CDC42EP3: variants seen among roughly 807,000 people sequenced by gnomAD.
The protein encoded by CDC42EP3 is CDC42 effector protein (Rho GTPase binding) 3.
Under a neutral mutation model 15.5 loss-of-function variants are expected in CDC42EP3, and 4 were observed. The ratio of observed to expected loss-of-function variants is 0.26; its 90% confidence interval spans 0.13 to 0.59. CDC42EP3 has a LOEUF of 0.59. Among genes scored for constraint, CDC42EP3 ranks in the 20% least tolerant of loss-of-function variants. The pLI is 0.89. For synonymous variants in CDC42EP3, 145 were observed against 130.3 expected (o/e 1.11, Z -0.77); for missense variants, 309 against 311.2 (o/e 0.99, Z 0.05).
chr2:37,642,394 C>T lies in CDC42EP3; in HGVS notation c.*3429G>A, dbSNP rs986049406. ...TATCATTTGGCATCTGGAAACTTCT[C>T]TTATTTTGCTGGATATGGCTGTCTA... On this transcript the variant is annotated 3_prime_UTR_variant, in exon 2 of 2. Transcript: ENST00000295324. The T allele has an allele frequency of 6.6e-6, 1 of 152,216 alleles. No individual in the cohort carries two copies. Among genetic ancestry groups the T allele is most frequent in the African/African-American group, 2.4e-5 (1 of 41,450 alleles). 9.4% of individuals were successfully genotyped at this position (152,216 alleles called of 1,614,324 possible).
upstream of CDC42EP3, chr2:37,671,692 G>T (rs1317161528): frequency 6.6e-6 from 1 of 151,308 alleles, no homozygotes; most frequent in African/African-American, 2.4e-5. Context: ...GGGCGGGGCG[G>T]CGCGGGGCGG....
chr2:37,648,962 G>A (rs1665573013), intron 1 of CDC42EP3, among the ~76,000 whole-genome samples: 1 of 152,066 alleles, frequency 6.6e-6, no homozygotes, highest in African/African-American at 2.4e-5. Flanking sequence ...CAGCTGCCAT[G>A]GAAAGATACA....
intron 1 of CDC42EP3, among the ~76,000 whole-genome samples, chr2:37,659,855 A>C (rs1340250187): frequency 6.6e-6 from 1 of 152,186 alleles, no homozygotes; most frequent in Non-Finnish European, 1.5e-5. Flanking sequence ...AAATAAACCT[A>C]TCAAAACATT....
At chr2:37,663,071 A>G (rs913291932) in intron 1 of CDC42EP3, among the ~76,000 whole-genome samples, 1 of 152,372 alleles carries the variant, frequency 6.6e-6, no homozygotes, top group Admixed American at 6.5e-5. Flanking sequence ...AGGCTGAGGC[A>G]GGAGAATCTC....
intron 1 of CDC42EP3, among the ~76,000 whole-genome samples, chr2:37,655,534 A>AT (rs1342692593): frequency 1.3e-5 from 2 of 152,186 alleles, no homozygotes; most frequent in Non-Finnish European, 2.9e-5. Context: ...GGAAGACTCA[A>AT]TGTGGACATA....
At chr2:37,651,556 T>C (rs151043072) in intron 1 of CDC42EP3, among the ~76,000 whole-genome samples, 191 of 152,370 alleles carry the variant, frequency 1.3e-3, no homozygotes, top group African/African-American at 4.4e-3. Context: ...ACCCTGGCTA[T>C]GGGACAGATC....
rs1231867185 is a variant in CDC42EP3, at chr2:37,643,543, T to TTCTC, written c.*2276_*2279dup. ...ATCAAACCCAGTACTGGCAGGGCTG[T>TTCTC]TCTCTCCCCAGTACTTACCAGAGAG... On this transcript the variant is annotated 3_prime_UTR_variant, in exon 2 of 2. Coordinates refer to ENST00000295324, the MANE Select transcript of CDC42EP3 (RefSeq NM_006449.5). 3.3e-5 allele frequency: 5 copies of TTCTC among 152,190 alleles called. No individual in the cohort carries two copies. Among genetic ancestry groups the TTCTC allele is most frequent in the Non-Finnish European group, 7.3e-5 (5 of 68,030 alleles). The allele number at this position is 152,190 out of a possible 1,614,324, so 9.4% of individuals were successfully genotyped here.
At chr2:37,652,057 C>T (rs1438698679) in intron 1 of CDC42EP3, among the ~76,000 whole-genome samples, 3 of 151,526 alleles carry the variant, frequency 2.0e-5, no homozygotes, top group African/African-American at 7.3e-5. Flanking sequence ...CGCCTGTAGT[C>T]CCAGCTACTT....
At chr2:37,664,380 T>C (rs913786731) in intron 1 of CDC42EP3, among the ~76,000 whole-genome samples, 15 of 152,218 alleles carry the variant, frequency 9.9e-5, no homozygotes, top group Non-Finnish European at 4.4e-5. Flanking sequence ...GGCTGCACTG[T>C]TGGCTTCCCT....
At chr2:37,659,197 T>C (rs1288889068) in intron 1 of CDC42EP3, among the ~76,000 whole-genome samples, 1 of 152,154 alleles carries the variant, frequency 6.6e-6, no homozygotes, top group Non-Finnish European at 1.5e-5. Context: ...TTGAAAAAAA[T>C]GTTGAATGGA....
At chr2:37,651,896 C>T (rs1485568588) in intron 1 of CDC42EP3, among the ~76,000 whole-genome samples, 2 of 151,936 alleles carry the variant, frequency 1.3e-5, no homozygotes, top group Admixed American at 6.6e-5. Flanking sequence ...ACACCTGGGG[C>T]CGGGCATGGT....
intron 1 of CDC42EP3, among the ~76,000 whole-genome samples, chr2:37,668,088 G>C (rs1366466821): frequency 1.3e-5 from 2 of 152,186 alleles, no homozygotes; most frequent in Non-Finnish European, 2.9e-5. Flanking sequence ...AGTAGGCACA[G>C]TAAGAGATTA....
intron 1 of CDC42EP3, among the ~76,000 whole-genome samples, chr2:37,657,001 C>CACCCCCG (rs1553317251): frequency 9.7e-6 from 1 of 103,278 alleles, no homozygotes; most frequent in Non-Finnish European, 1.8e-5. Context: ...CCCCCCGCCC[C>CACCCCCG]CCGCCATCCT....
Position 37,650,498 on chromosome 2 carries a change from C to T in CDC42EP3, c.-235-3676G>A, listed in dbSNP as rs116009203. Among the ~76,000 whole-genome samples, 598 of 152,272 alleles carry T rather than the reference C, an allele frequency of 3.9e-3. 2 individuals are homozygous for T. The highest frequency in any genetic ancestry group is 0.014 in the African/African-American group (561 of 41,548). On this transcript the variant is annotated intron_variant, in intron 1 of 1. Coordinates refer to ENST00000295324, the MANE Select transcript of CDC42EP3 (RefSeq NM_006449.5). The stretch of plus-strand genomic sequence containing the variant: ...ATTTGTTGAGGGCTTCTCTATGTAC[C>T]GAGCATTGTTCCAACCCTTGACATG...
rs1255991241 is a variant in CDC42EP3, at chr2:37,645,510, T to A, written c.*313A>T. 8.9e-6 allele frequency: 2 copies of A among 224,446 alleles called. No individual in the cohort carries two copies. Among genetic ancestry groups the A allele is most frequent in the Non-Finnish European group, 1.7e-5 (2 of 114,414 alleles). 13.9% of individuals were successfully genotyped at this position (224,446 alleles called of 1,614,324 possible). On this transcript the variant is annotated 3_prime_UTR_variant, in exon 2 of 2. Coordinates refer to ENST00000295324, the MANE Select transcript of CDC42EP3 (RefSeq NM_006449.5). ...TTAATGTGACTCGCTCAGCCCTTCA[T>A]AGCTAGTGCCAATCCTGGCCAAGCC...
At chr2:37,652,608 A>C (rs1665726551) in intron 1 of CDC42EP3, among the ~76,000 whole-genome samples, 1 of 152,140 alleles carries the variant, frequency 6.6e-6, no homozygotes, top group East Asian at 1.9e-4. Flanking sequence ...GTGGTCACCC[A>C]GGCTGGAGTG....
chr2:37,672,599 A>C (rs1335530239), upstream of CDC42EP3: 1 of 152,120 alleles, frequency 6.6e-6, no homozygotes, highest in Non-Finnish European at 1.5e-5. Flanking sequence ...AATGAATGCT[A>C]ATTTTCTTAA....
intron 1 of CDC42EP3, among the ~76,000 whole-genome samples, chr2:37,652,906 A>G (rs537447086): frequency 1.8e-4 from 28 of 152,134 alleles, no homozygotes; most frequent in African/African-American, 6.5e-4. Context: ...TACTCCCACT[A>G]TCTTACCTAA....
chr2:37,645,264 T>A lies in CDC42EP3; in HGVS notation c.*559A>T, dbSNP rs530918764. ...GTAGCTGACAGTCAAAATTTTGCAA[T>A]ATAGATATAATATATAGGGATATAT... is the stretch of plus-strand genomic sequence containing the variant. On this transcript the variant is annotated 3_prime_UTR_variant, in exon 2 of 2. Transcript: ENST00000295324. The A allele has an allele frequency of 1.3e-5, 2 of 152,648 alleles. No individual in the cohort carries two copies. The highest frequency in any genetic ancestry group is 4.8e-5 in the African/African-American group (2 of 41,454). 9.5% of individuals were successfully genotyped at this position (152,648 alleles called of 1,614,324 possible). A position where few individuals can be genotyped will look rare whatever the true frequency, so the allele number is the denominator to read the frequency against.
Sources: allele counts gnomAD v4.1 joint callset (sites outside exome capture counted in the v4.1 genomes callset), GRCh38; gene constraint gnomAD v4.1.1; transcripts MANE v1.5; gene names NCBI Gene and HGNC (gene_info 2026-07-23, HGNC 2026-07-21).